The following PON3 variants were observed in gnomAD, a reference collection of about 807,000 sequenced individuals.
PON3 encodes the protein paraoxonase 3.
In PON3, 37 loss-of-function variants were observed where a neutral mutation model predicts 36.3. The observed-to-expected ratio is 1.02, with a 90% CI of 0.78 to 1.34. The LOEUF is 1.34. PON3 is among the 40% of genes most tolerant of loss of function. The pLI is 0.00. For synonymous variants in PON3, 155 were observed against 154.8 expected, an observed-to-expected ratio of 1.00 and a Z score of -0.01; for missense variants, 415 against 426.5, an observed-to-expected ratio of 0.97 and a Z score of 0.24.
At chr7:95,377,543 CG>C (rs1562773552) in intron 3 of PON3, 7 of 426,158 alleles carry the variant, frequency 1.6e-5, no homozygotes, top group South Asian at 1.1e-4. Flanking sequence ...CTCATACAGG[CG>C]GATGCCCCTC....
At chr7:95,372,635 G>T (rs1404278530) in intron 3 of PON3, among the ~76,000 whole-genome samples, 4 of 152,236 alleles carry the variant, frequency 2.6e-5, no homozygotes, top group Admixed American at 2.0e-4. Flanking sequence ...CTGTTACTTT[G>T]TGTGAATCCC....
chr7:95,363,560 T>TATA (rs1313393953), intron 6 of PON3: 3 of 410,920 alleles, frequency 7.3e-6, no homozygotes, highest in Non-Finnish European at 1.4e-5. Context: ...GGCAGGGGTA[T>TATA]TGCTCATTTA....
chr7:95,385,736 C>A, intron 3 of PON3, among the ~76,000 whole-genome samples: 1 of 152,164 alleles, frequency 6.6e-6, no homozygotes, highest in East Asian at 1.9e-4. Context: ...ACAGTGCAAT[C>A]AAATTAGAAC....
chr7:95,376,833 A>G (rs1470500633), intron 3 of PON3, among the ~76,000 whole-genome samples: 1 of 152,218 alleles, frequency 6.6e-6, no homozygotes, highest in Non-Finnish European at 1.5e-5. Context: ...TGAGATCAAC[A>G]CAGAAGACAG....
Position 95,367,487 on chromosome 7 carries a change from G to A in PON3, c.369C>T (p.Asp123=). ...TCACAACATAAAGATACACAGTATTGTCTACATGGAAAAAAGGGATAATTT... is the reference window on the plus strand; with the variant it reads ...TCACAACATAAAGATACACAGTATTATCTACATGGAAAAAAGGGATAATTT... ...PHGISIFIDK[D]NTVYLYVVNH... is the part of the protein sequence containing the mutation. The change falls in exon 5 of 9, where the codon GAC becomes GAT. Residue 123 remains aspartate, a splice_region_variant and synonymous_variant. Coordinates refer to ENST00000265627, the MANE Select transcript of PON3 (RefSeq NM_000940.3). 6.2e-7 allele frequency: 1 copy of A among 1,612,636 alleles called. No homozygotes were observed. Among genetic ancestry groups the A allele is most frequent in the East Asian group, 2.2e-5 (1 of 44,846 alleles).
chr7:95,375,518 A>T (rs1808898025), intron 3 of PON3, among the ~76,000 whole-genome samples: 1 of 152,108 alleles, frequency 6.6e-6, no homozygotes, highest in Non-Finnish European at 1.5e-5. Context: ...TGCCACACAT[A>T]CAGAAAGGTT....
At chr7:95,395,481 A>T (rs1809408799) in intron 1 of PON3, among the ~76,000 whole-genome samples, 1 of 152,172 alleles carries the variant, frequency 6.6e-6, no homozygotes, top group Non-Finnish European at 1.5e-5. Flanking sequence ...CAAATGTAAC[A>T]ATAAAACTCT....
rs1442751620 is a variant in PON3 at position 95,360,014 on chromosome 7, T to C, written c.1024A>G (p.Ile342Val). ...AGAGTTTTGTGAAATACGGTGCCTATGAGAATTTTCCCATGGTACACAGAA... is the reference window on the plus strand; with the variant it reads ...AGAGTTTTGTGAAATACGGTGCCTACGAGAATTTTCCCATGGTACACAGAA... ...VASVYHGKILIGTVFHKTLYC... is the reference protein window; with the variant it reads ...VASVYHGKILVGTVFHKTLYC... Residue 342 changes from isoleucine to valine, a missense_variant, in exon 9 of 9, where the codon ATA (isoleucine) becomes GTA (valine). By Grantham distance (29) the Ile-to-Val change is conservative. Transcript: ENST00000265627. 1.2e-6 allele frequency: 2 copies of C among 1,613,610 alleles called. No individual in the cohort carries two copies. The highest frequency in any genetic ancestry group is 8.5e-7 in the Non-Finnish European group (1 of 1,179,774).
At chr7:95,371,816 C>T in intron 4 of PON3, among the ~76,000 whole-genome samples, 1 of 151,610 alleles carries the variant, frequency 6.6e-6, no homozygotes, top group Non-Finnish European at 1.5e-5. Flanking sequence ...TTGTTTTTTT[C>T]CCCCTTATGT....
At chr7:95,381,840 G>A (rs1809062364) in intron 3 of PON3, among the ~76,000 whole-genome samples, 1 of 152,258 alleles carries the variant, frequency 6.6e-6, no homozygotes, top group Middle Eastern at 3.4e-3. Context: ...ATTCAGCTCT[G>A]CACCAAGCAG....
At chr7:95,395,447 T>G (rs1266773614) in intron 1 of PON3, among the ~76,000 whole-genome samples, 1 of 152,210 alleles carries the variant, frequency 6.6e-6, no homozygotes, top group Non-Finnish European at 1.5e-5. Flanking sequence ...TATTTTATGA[T>G]TCTCCATGTG....
At chr7:95,367,988 AC>A (rs1808734756) in intron 4 of PON3, among the ~76,000 whole-genome samples, 3 of 152,212 alleles carry the variant, frequency 2.0e-5, no homozygotes. Flanking sequence ...TGAATTTCTG[AC>A]ACAAGCCAAC....
chr7:95,370,294 C>T (rs1473510757), intron 4 of PON3, among the ~76,000 whole-genome samples: 1 of 152,114 alleles, frequency 6.6e-6, no homozygotes, highest in Non-Finnish European at 1.5e-5. Context: ...TCAGGGAAGG[C>T]ATGCTGGGGC....
chr7:95,384,487 A>G (rs59534145), intron 3 of PON3, among the ~76,000 whole-genome samples: 1 of 152,066 alleles, frequency 6.6e-6, no homozygotes, highest in African/African-American at 2.4e-5. Context: ...GAATCTACAA[A>G]TAACTCAAAC....
chr7:95,369,455 C>T lies in PON3; in HGVS notation c.368-1967G>A, dbSNP rs1307076121. The stretch of plus-strand genomic sequence containing the variant: ...AGAGCAGGAGAGGGAAAGAAAATTC[C>T]TATCCTTTAACATTTAAAAAAAAAA... On this transcript the variant is annotated intron_variant, in intron 4 of 8. Transcript: ENST00000265627. 3.3e-5 allele frequency among the ~76,000 whole-genome samples: 5 copies of T among 152,044 alleles called. No individual in the cohort carries two copies. In the East Asian group the frequency reaches 9.6e-4, roughly 29 times the overall value.
At chr7:95,390,582 A>G (rs1809296652) in intron 2 of PON3, among the ~76,000 whole-genome samples, 1 of 152,190 alleles carries the variant, frequency 6.6e-6, no homozygotes, top group South Asian at 2.1e-4. Flanking sequence ...TAAAATCTGG[A>G]AAGTCATAAT....
At chr7:95,360,184 AT>A in intron 8 of PON3, 53 bp from the exon 9 acceptor site, 4 of 1,472,198 alleles carry the variant, frequency 2.7e-6, no homozygotes, top group Non-Finnish European at 3.8e-6. Flanking sequence ...CACCTGTTTC[AT>A]GATGTCCTTC....
chr7:95,379,764 T>G (rs1241942735), intron 3 of PON3, among the ~76,000 whole-genome samples: 1 of 152,180 alleles, frequency 6.6e-6, no homozygotes, highest in Non-Finnish European at 1.5e-5. Context: ...CTCTGTAGAC[T>G]CCACCTCTGG....
At chr7:95,385,483 C>T (rs929444490) in intron 3 of PON3, among the ~76,000 whole-genome samples, 1 of 152,096 alleles carries the variant, frequency 6.6e-6, no homozygotes, top group African/African-American at 2.4e-5. Flanking sequence ...GACTTTAACA[C>T]CCCACTGTCA....
Sources: allele counts gnomAD v4.1 joint callset (sites outside exome capture counted in the v4.1 genomes callset), GRCh38; gene constraint gnomAD v4.1.1; transcripts MANE v1.5; gene names NCBI Gene and HGNC (gene_info 2026-07-23, HGNC 2026-07-21).